Variants in SEMA5A observed in about 807,000 individuals in gnomAD.
The protein encoded by SEMA5A is semaphorin-5A.
In SEMA5A, 55 loss-of-function variants were observed where a neutral mutation model predicts 135.5. The observed-to-expected ratio is 0.41, with a 90% CI of 0.33 to 0.51. The LOEUF is 0.51. Ranked by LOEUF, SEMA5A falls within the 20% of genes least tolerant of loss-of-function variation. The pLI is 0.37. For synonymous variants in SEMA5A, 580 were observed against 546.5 expected (o/e 1.06, Z -0.85); for missense variants, 1,290 against 1,419.9 (o/e 0.91, Z 1.47).
chr5:9,360,896 A>C (rs1175335917), intron 3 of SEMA5A, among the ~76,000 whole-genome samples: 2 of 152,240 alleles, frequency 1.3e-5, no homozygotes, highest in Non-Finnish European at 2.9e-5. Context: ...AGAGAGTATT[A>C]AGTTCTTTAA....
At chr5:9,063,520 G>A (rs972084300) in intron 17 of SEMA5A, among the ~76,000 whole-genome samples, 1 of 152,180 alleles carries the variant, frequency 6.6e-6, no homozygotes, top group Admixed American at 6.5e-5. Context: ...CTGGAGGAAG[G>A]GAAACATAAT....
intron 15 of SEMA5A, among the ~76,000 whole-genome samples, chr5:9,117,335 G>T (rs540612034): frequency 1.3e-5 from 2 of 152,304 alleles, no homozygotes; most frequent in East Asian, 3.9e-4. Context: ...GGAAGCCTTT[G>T]TACAGATGGA....
chr5:9,165,297 G>T (rs3797923), intron 11 of SEMA5A, among the ~76,000 whole-genome samples: 17,865 of 151,986 alleles, frequency 0.12, 1,775 homozygotes, highest in African/African-American at 0.25. Flanking sequence ...AAAGAAAAAA[G>T]TCCTACCCAC....
intron 18 of SEMA5A, among the ~76,000 whole-genome samples, chr5:9,062,102 A>G (rs1737213097): frequency 6.6e-6 from 1 of 152,154 alleles, no homozygotes; most frequent in Non-Finnish European, 1.5e-5. Flanking sequence ...TAGAGTCCAT[A>G]TCCTTCGAGT....
chr5:9,147,358 C>T (rs62342336), intron 12 of SEMA5A, among the ~76,000 whole-genome samples: 44,490 of 151,748 alleles, frequency 0.29, 6,613 homozygotes, highest in Non-Finnish European at 0.32. Flanking sequence ...CTGCAACCTC[C>T]GCCTCCTGGG....
At chr5:9,370,264 AG>A (rs1252230083) in intron 3 of SEMA5A, among the ~76,000 whole-genome samples, 1 of 152,250 alleles carries the variant, frequency 6.6e-6, no homozygotes, top group African/African-American at 2.4e-5. Context: ...TCCTGGCGTC[AG>A]GGTCTTGCTT....
chr5:9,124,103 G>A (rs1740975829), intron 13 of SEMA5A, among the ~76,000 whole-genome samples: 1 of 152,216 alleles, frequency 6.6e-6, no homozygotes, highest in East Asian at 1.9e-4. Context: ...TGGTTCAGGG[G>A]AGCAACACCA....
chr5:9,234,883 C>T (rs1250392285), intron 6 of SEMA5A, among the ~76,000 whole-genome samples: 1 of 152,266 alleles, frequency 6.6e-6, no homozygotes, highest in Non-Finnish European at 1.5e-5. Flanking sequence ...CGATTGGTCT[C>T]CTCCGTGAAT....
At position 9,048,072 on chromosome 5, in the gene SEMA5A, A is replaced by T. The variant is rs146705761; in HGVS notation, c.2893+2338T>A. On this transcript the variant is annotated intron_variant, in intron 21 of 22. Transcript: ENST00000382496. ...TCAGGCTCTGCATGGCCTCCCTGAGAATGGGAACACTTATAAACTCTGCTC... is the reference window on the plus strand; with the variant it reads ...TCAGGCTCTGCATGGCCTCCCTGAGTATGGGAACACTTATAAACTCTGCTC... Among the ~76,000 whole-genome samples the T allele has an allele frequency of 5.7e-3, 865 of 152,172 alleles. 4 individuals carry two copies. The highest frequency in any genetic ancestry group is 0.02 in the African/African-American group (827 of 41,498).
At chr5:9,232,454 C>T (rs1747681718) in intron 6 of SEMA5A, among the ~76,000 whole-genome samples, 1 of 152,090 alleles carries the variant, frequency 6.6e-6, no homozygotes, top group South Asian at 2.1e-4. Context: ...ATCATGATTA[C>T]CTGGTGACTC....
chr5:9,269,785 C>T (rs1295133646), intron 5 of SEMA5A, among the ~76,000 whole-genome samples: 1 of 152,060 alleles, frequency 6.6e-6, no homozygotes, highest in Non-Finnish European at 1.5e-5. Context: ...AATAAATCTG[C>T]ATATGCAAAA....
intron 1 of SEMA5A, among the ~76,000 whole-genome samples, chr5:9,499,881 A>G (rs1735492566): frequency 6.6e-6 from 1 of 152,322 alleles, no homozygotes; most frequent in East Asian, 1.9e-4. Context: ...TAATATAGCA[A>G]GAAGAAACCG....
chr5:9,178,383 A>G (rs1579549646), intron 11 of SEMA5A, among the ~76,000 whole-genome samples: 1 of 133,666 alleles, frequency 7.5e-6, no homozygotes, highest in African/African-American at 2.9e-5. Context: ...CCCAGGCTGG[A>G]GTGCAATGGT....
chr5:9,198,479 C>G (rs1174496815), intron 9 of SEMA5A, among the ~76,000 whole-genome samples: 1 of 152,138 alleles, frequency 6.6e-6, no homozygotes, highest in Non-Finnish European at 1.5e-5. Flanking sequence ...GATTTCCAAT[C>G]CTTTGCAATA....
intron 1 of SEMA5A, among the ~76,000 whole-genome samples, chr5:9,530,481 C>CTTT (rs937649660): frequency 6.6e-6 from 1 of 151,566 alleles, no homozygotes; most frequent in Admixed American, 6.6e-5. Flanking sequence ...ATAAAATGTT[C>CTTT]TTTTTTTTTA....
chr5:9,368,722 AT>A (rs1755016385), intron 3 of SEMA5A, among the ~76,000 whole-genome samples: 1 of 152,110 alleles, frequency 6.6e-6, no homozygotes, highest in East Asian at 1.9e-4. Context: ...TGCTATCTGT[AT>A]TTGTAGTTTG....
At chr5:9,488,328 A>C (rs1734830659) in intron 1 of SEMA5A, among the ~76,000 whole-genome samples, 1 of 152,004 alleles carries the variant, frequency 6.6e-6, no homozygotes, top group East Asian at 1.9e-4. Flanking sequence ...GAGGAACCAC[A>C]CTCCTAGATC....
At chr5:9,447,540 A>G (rs1302672092) in intron 1 of SEMA5A, among the ~76,000 whole-genome samples, 2 of 152,184 alleles carry the variant, frequency 1.3e-5, no homozygotes, top group Non-Finnish European at 2.9e-5. Context: ...TCATTTTCGC[A>G]TTACGGCATG....
intron 12 of SEMA5A, among the ~76,000 whole-genome samples, chr5:9,139,484 T>A (rs1324861048): frequency 6.6e-6 from 1 of 152,218 alleles, no homozygotes; most frequent in African/African-American, 2.4e-5. Context: ...TTGTCTGTTT[T>A]CATTTCTTTC....
Sources: allele counts gnomAD v4.1 joint callset (sites outside exome capture counted in the v4.1 genomes callset), GRCh38; gene constraint gnomAD v4.1.1; transcripts MANE v1.5; gene names NCBI Gene and HGNC (gene_info 2026-07-23, HGNC 2026-07-21).